The following SEMA3E variants were observed in gnomAD, a reference collection of about 807,000 sequenced individuals.
The protein encoded by SEMA3E is semaphorin-3E.
SEMA3E carries 49 observed loss-of-function variants against 93.6 expected under a neutral mutation model. That is an observed-to-expected ratio of 0.52 (90% CI 0.42 to 0.66). The LOEUF is 0.66. Among genes scored for constraint, SEMA3E ranks in the 30% least tolerant of loss-of-function variants. The pLI is 0.00. For missense variants in SEMA3E, 906 were observed against 964.8 expected (o/e 0.94, Z 0.81); for synonymous variants, 363 against 330.7 (o/e 1.10, Z -1.06).
At chr7:83,414,661 G>A (rs1275286240) in intron 5 of SEMA3E, among the ~76,000 whole-genome samples, 2 of 152,024 alleles carry the variant, frequency 1.3e-5, no homozygotes, top group African/African-American at 4.8e-5. Flanking sequence ...TATCTTATTA[G>A]TGATTATTTG....
At chr7:83,614,007 A>G (rs1793316451) in intron 1 of SEMA3E, among the ~76,000 whole-genome samples, 1 of 152,142 alleles carries the variant, frequency 6.6e-6, no homozygotes, top group African/African-American at 2.4e-5. Context: ...TGGAGCATCA[A>G]GTACGTGAGG....
At chr7:83,600,949 G>C (rs1263321246) in intron 1 of SEMA3E, among the ~76,000 whole-genome samples, 1 of 152,146 alleles carries the variant, frequency 6.6e-6, no homozygotes, top group Non-Finnish European at 1.5e-5. Flanking sequence ...TTAAAGACTT[G>C]ATTAAATGAA....
intron 2 of SEMA3E, among the ~76,000 whole-genome samples, chr7:83,470,056 T>C (rs1419919107): frequency 6.6e-6 from 1 of 152,054 alleles, no homozygotes; most frequent in Non-Finnish European, 1.5e-5. Flanking sequence ...AAAGTGATTA[T>C]TTTTTAAAAA....
intron 2 of SEMA3E, among the ~76,000 whole-genome samples, chr7:83,480,593 GTTA>G (rs1004601935): frequency 6.6e-6 from 1 of 152,040 alleles, no homozygotes; most frequent in Non-Finnish European, 1.5e-5. Context: ...ATATTTTGTA[GTTA>G]TTATTTTTGT....
chr7:83,507,633 C>A (rs1057274948), intron 1 of SEMA3E, among the ~76,000 whole-genome samples: 68 of 151,702 alleles, frequency 4.5e-4, no homozygotes, highest in African/African-American at 1.6e-3. Context: ...GGAAAAGAAA[C>A]ATGACAATTA....
chr7:83,422,609 A>G (rs1181961381), intron 4 of SEMA3E, among the ~76,000 whole-genome samples: 1 of 152,184 alleles, frequency 6.6e-6, no homozygotes, highest in Admixed American at 6.5e-5. Context: ...ACTATAGTCA[A>G]ACATCAGCGT....
intron 1 of SEMA3E, among the ~76,000 whole-genome samples, chr7:83,507,294 G>T (rs1790721921): frequency 6.6e-6 from 1 of 152,164 alleles, no homozygotes; most frequent in African/African-American, 2.4e-5. Flanking sequence ...AGAAGAGGGA[G>T]CCTCCACCAC....
chr7:83,370,041 GT>G (rs1235610565), intron 16 of SEMA3E, among the ~76,000 whole-genome samples: 5 of 151,980 alleles, frequency 3.3e-5, no homozygotes, highest in African/African-American at 9.7e-5. Context: ...CTCTTTCTTG[GT>G]TTCTTCTGCA....
At chr7:83,558,675 G>T (rs1179134890) in intron 1 of SEMA3E, among the ~76,000 whole-genome samples, 1 of 151,830 alleles carries the variant, frequency 6.6e-6, no homozygotes, top group Admixed American at 6.6e-5. Flanking sequence ...ATAAAAATAT[G>T]GCTAAGAAGC....
At chr7:83,584,042 A>C (rs1792568871) in intron 1 of SEMA3E, among the ~76,000 whole-genome samples, 1 of 152,098 alleles carries the variant, frequency 6.6e-6, no homozygotes, top group African/African-American at 2.4e-5. Context: ...TTAGGTAATA[A>C]ATGTTCTTGT....
At chr7:83,389,801 G>A (rs1320125894) in intron 14 of SEMA3E, among the ~76,000 whole-genome samples, 2 of 44,694 alleles carry the variant, frequency 4.5e-5, no homozygotes, top group Non-Finnish European at 8.1e-5. Context: ...ATATATACAC[G>A]TATATATTAC....
intron 1 of SEMA3E, among the ~76,000 whole-genome samples, chr7:83,547,537 G>A (rs1440860476): frequency 6.6e-6 from 1 of 152,108 alleles, no homozygotes; most frequent in Non-Finnish European, 1.5e-5. Flanking sequence ...AAATAAGGAA[G>A]GTAACTCGTG....
chr7:83,446,445 T>C (rs1409761430), intron 4 of SEMA3E, among the ~76,000 whole-genome samples: 1 of 152,218 alleles, frequency 6.6e-6, no homozygotes, highest in South Asian at 2.1e-4. Context: ...ACCAAGTAGT[T>C]TGTGGTGACG....
At chr7:83,624,807 T>A (rs1183814181) in intron 1 of SEMA3E, among the ~76,000 whole-genome samples, 2 of 152,220 alleles carry the variant, frequency 1.3e-5, no homozygotes, top group Non-Finnish European at 2.9e-5. Context: ...CCCATGCCTG[T>A]GTCCTGAATG....
At chr7:83,412,771 A>AAAC (rs937465549) in intron 5 of SEMA3E, among the ~76,000 whole-genome samples, 5 of 151,924 alleles carry the variant, frequency 3.3e-5, no homozygotes, top group African/African-American at 9.7e-5. Flanking sequence ...TAAAAAAAAA[A>AAAC]AAAAAAACAC....
intron 5 of SEMA3E, among the ~76,000 whole-genome samples, chr7:83,411,273 C>T (rs1788434475): frequency 6.6e-6 from 1 of 152,028 alleles, no homozygotes; most frequent in Non-Finnish European, 1.5e-5. Flanking sequence ...TACCCAGTTT[C>T]CCATTTTGCA....
chr7:83,493,998 TTATTA>T (rs1251210138), intron 1 of SEMA3E, among the ~76,000 whole-genome samples: 1 of 151,896 alleles, frequency 6.6e-6, no homozygotes, highest in African/African-American at 2.4e-5. Flanking sequence ...ATGTGAATGT[TTATTA>T]TATATTTACT....
intron 14 of SEMA3E, 138 bp downstream of exon 14, chr7:83,392,416 AC>A: frequency 1.1e-6 from 1 of 949,796 alleles, no homozygotes; most frequent in South Asian, 1.5e-5. Context: ...TAAAAGGTCA[AC>A]AGCATGTTCA....
chr7:83,549,989 A>G (rs955555332), intron 1 of SEMA3E, among the ~76,000 whole-genome samples: 21 of 152,234 alleles, frequency 1.4e-4, no homozygotes, highest in Middle Eastern at 3.4e-3. Flanking sequence ...ACCCTCGTCT[A>G]TCCTGCAGTA....
Sources: gnomAD v4.1 joint callset for allele counts (sites outside exome capture counted in the v4.1 genomes callset) on GRCh38, gnomAD v4.1.1 for gene constraint, MANE v1.5 for transcripts, NCBI Gene and HGNC (gene_info 2026-07-23, HGNC 2026-07-21) for gene names.